AVPR1A: variants seen among roughly 807,000 people sequenced by gnomAD.
The protein encoded by AVPR1A is vasopressin V1a receptor.
A neutral mutation model predicts 31.5 loss-of-function variants in AVPR1A; 31 were observed. That is an observed-to-expected ratio of 0.99 (90% confidence interval 0.74 to 1.33). The LOEUF (loss-of-function observed/expected upper bound fraction) is 1.33, where lower values mean the gene tolerates loss of function less well. AVPR1A is among the 40% of genes most tolerant of loss of function. The pLI, the probability that AVPR1A is intolerant of heterozygous loss-of-function variation, is 0.00. For synonymous variants in AVPR1A, 243 were observed against 233.2 expected (o/e 1.04, Z -0.38); for missense variants, 570 against 575.2 (o/e 0.99, Z 0.09).
chr12:63,150,322 G>C lies in AVPR1A; in HGVS notation c.515C>G (p.Ala172Gly), dbSNP rs1288401863. The C allele has an allele frequency of 8.1e-6, 13 of 1,613,928 alleles. No homozygotes were observed. Among genetic ancestry groups the C allele is most frequent in the Non-Finnish European group, 1.1e-5 (13 of 1,180,036 alleles). Residue 172 changes from alanine (A) to glycine (G), a missense_variant, in exon 1 of 2, where the codon GCG (alanine) becomes GGG (glycine). By Grantham distance (60) the Ala-to-Gly change is moderately conservative. Transcript: ENST00000299178. The surrounding 1 kb of genome is among the most constrained non-coding windows in gnomAD (Gnocchi z 4.9). ...QPARRSRLMIAAAWVLSFVLS... is the reference protein window; with the variant it reads ...QPARRSRLMIGAAWVLSFVLS... ...CACGAAGCTCAGCACCCAGGCGGCC[G>C]CGATCATGAGGCGCGAGCGGCGCGC...
chr12:63,147,670 T>C (rs1314129778), intron 1 of AVPR1A, 25 bp from the exon 2 acceptor site: 3 of 1,601,100 alleles, frequency 1.9e-6, no homozygotes, highest in Admixed American at 3.4e-5. Flanking sequence ...TAAAGGGAAA[T>C]CATGTAATGT....
Position 63,150,625 on chromosome 12 carries a change from C to T in AVPR1A, c.212G>A (p.Ser71Asn), listed in dbSNP as rs1868458717. 1 of 1,609,704 alleles carries T rather than the reference C, an allele frequency of 6.2e-7. No homozygotes were observed. Among genetic ancestry groups the T allele is most frequent in the South Asian group, 1.1e-5 (1 of 91,084 alleles). ...TFAVAVLGNS[S>N]VLLALHRTPR... is the part of the protein sequence containing the mutation. ...CGTCCGGTGCAGAGCCAGCAGTACGCTGCTGTTGCCCAGCACGGCCACCGC... is the reference window on the plus strand; with the variant it reads ...CGTCCGGTGCAGAGCCAGCAGTACGTTGCTGTTGCCCAGCACGGCCACCGC... Residue 71 changes from serine (S) to asparagine (N), a missense_variant, in exon 1 of 2, where the codon AGC becomes AAC. Transcript: ENST00000299178. This position sits in a 1 kb window ranked among gnomAD's most constrained non-coding sequence, Gnocchi z 4.9.
At chr12:63,149,457 A>G (rs1166314643) in intron 1 of AVPR1A, among the ~76,000 whole-genome samples, 1 of 152,152 alleles carries the variant, frequency 6.6e-6, no homozygotes, top group Admixed American at 6.5e-5. Context: ...CCTGAATCCA[A>G]TAGACCTGAA....
rs1303306844 is a variant in AVPR1A at position 63,147,448 on chromosome 12, T to C, written c.1168A>G (p.Asn390Asp). Residue 390 changes from asparagine to aspartate, a missense_variant, in exon 2 of 2, where the codon AAC (asparagine) becomes GAC (aspartate). Coordinates refer to ENST00000299178, the MANE Select transcript of AVPR1A (RefSeq NM_000706.5). ...SMSRRQTFYS[N>D]NRSPTNSTGM... The stretch of plus-strand genomic sequence containing the variant: ...GTACTGTTTGTTGGGCTTCGATTGT[T>C]AGAATAAAAAGTCTGTCTTCTGCTC... 3.1e-6 allele frequency: 5 copies of C among 1,614,164 alleles called. No homozygotes were observed. In the Admixed American group the frequency reaches 5.0e-5, roughly 16 times the overall value.
rs1380913189 is a variant in AVPR1A, at chr12:63,144,194, T to C, written c.*3165A>G. On this transcript the variant is annotated 3_prime_UTR_variant, in exon 2 of 2. Transcript: ENST00000299178. ...ATAGAAATTCTATATGTAAAACAAG[T>C]ATATAATTAACCCAAGAATTTCACT... 1 of 152,192 alleles carries C rather than the reference T, an allele frequency of 6.6e-6. No homozygotes were observed. The highest frequency in any genetic ancestry group is 2.4e-5 in the African/African-American group (1 of 41,440). 9.4% of individuals were successfully genotyped at this position (152,192 alleles called of 1,614,324 possible). A position where few individuals can be genotyped will look rare whatever the true frequency, so the allele number is the denominator to read the frequency against.
At position 63,150,092 on chromosome 12, in the gene AVPR1A, C is replaced by A; in HGVS notation, c.745G>T (p.Gly249Trp). The part of the protein sequence containing the change: ...ICYNIWCNVR[G>W]KTASRQSKGA... ...TTGCTCTGGCGCGACGCCGTCTTCC[C>A]GCGGACGTTGCACCAGATGTTGTAG... Residue 249 changes from glycine to tryptophan, a missense_variant, in exon 1 of 2, where the codon GGG becomes TGG. By Grantham distance (184) the Gly-to-Trp change is radical. Transcript: ENST00000299178. This position sits in a 1 kb window ranked among gnomAD's most constrained non-coding sequence, Gnocchi z 4.9. 3 of 1,614,052 alleles carry A rather than the reference C, an allele frequency of 1.9e-6. No individual in the cohort carries two copies. Among genetic ancestry groups the A allele is most frequent in the Non-Finnish European group, 2.5e-6 (3 of 1,180,026 alleles).
intron 1 of AVPR1A, among the ~76,000 whole-genome samples, chr12:63,148,207 G>T (rs780359847): frequency 6.6e-6 from 1 of 152,144 alleles, no homozygotes; most frequent in East Asian, 1.9e-4. Context: ...AACCATCTGT[G>T]GTTGTGGTTC....
chr12:63,150,470 G>C lies in AVPR1A; in HGVS notation c.367C>G (p.Leu123Val), dbSNP rs767709671. The C allele has an allele frequency of 6.2e-7, 1 of 1,613,412 alleles. No individual in the cohort carries two copies. Among genetic ancestry groups the C allele is most frequent in the Non-Finnish European group, 8.5e-7 (1 of 1,179,842 alleles). Residue 123 changes from leucine to valine, a missense_variant, in exon 1 of 2, where the codon CTG (leucine) becomes GTG (valine). Physicochemically the swap from Leu to Val is conservative, Grantham distance 32 (BLOSUM62 1). Transcript: ENST00000299178. The surrounding 1 kb of genome is among the most constrained non-coding windows in gnomAD (Gnocchi z 4.9). Reference sequence around the variant, plus strand: ...TGCAGGTGCTTCACCACGCGGCACAGCCAGTCGGGGCCGCGGAAGCGGTAG... The same window carrying C: ...TGCAGGTGCTTCACCACGCGGCACACCCAGTCGGGGCCGCGGAAGCGGTAG... Reference protein sequence around the residue: ...ITYRFRGPDWLCRVVKHLQVF... With the variant: ...ITYRFRGPDWVCRVVKHLQVF...
chr12:63,147,241 A>G lies in AVPR1A; in HGVS notation c.*118T>C. The stretch of plus-strand genomic sequence containing the variant: ...TGCAACTAGAAACACAGTCTCATAC[A>G]CAATGAATTGATTTATGGTTATATT... On this transcript the variant is annotated 3_prime_UTR_variant, in exon 2 of 2. Transcript: ENST00000299178. The G allele has an allele frequency of 8.1e-7, 1 of 1,237,724 alleles. No individual in the cohort carries two copies. The highest frequency in any genetic ancestry group is 1.1e-6 in the Non-Finnish European group (1 of 885,066). The allele number at this position is 1,237,724 out of a possible 1,614,324, so 76.7% of individuals were successfully genotyped here.
chr12:63,148,529 T>C (rs1868393721), intron 1 of AVPR1A, among the ~76,000 whole-genome samples: 1 of 152,134 alleles, frequency 6.6e-6, no homozygotes, highest in Admixed American at 6.5e-5. Flanking sequence ...AAGATGGTAT[T>C]CACAAAGAAT....
chr12:63,145,273 GC>G lies in AVPR1A; in HGVS notation c.*2085del. ...AAAGCATTTGGAAACATGTTTTTAGGCCTATCAATACAAGGAGCCTAAGGGC... is the reference window on the plus strand; with the variant it reads ...AAAGCATTTGGAAACATGTTTTTAGGCTATCAATACAAGGAGCCTAAGGGC... On this transcript the variant is annotated 3_prime_UTR_variant, in exon 2 of 2. Transcript: ENST00000299178. 1 of 422,252 alleles carries G rather than the reference GC, an allele frequency of 2.4e-6. No homozygotes were observed. The highest frequency in any genetic ancestry group is 4.6e-6 in the Non-Finnish European group (1 of 217,100). 26.2% of individuals were successfully genotyped at this position (422,252 alleles called of 1,614,324 possible). A position where few individuals can be genotyped will look rare whatever the true frequency, so the allele number is the denominator to read the frequency against.
chr12:63,150,448 A>T lies in AVPR1A; in HGVS notation c.389T>A (p.Leu130Gln). The change falls in exon 1 of 2, where the codon CTG (leucine) becomes CAG (glutamine). Residue 130 changes from leucine (L) to glutamine (Q), a missense_variant. Coordinates refer to ENST00000299178, the MANE Select transcript of AVPR1A (RefSeq NM_000706.5). The surrounding 1 kb of genome is among the most constrained non-coding windows in gnomAD (Gnocchi z 4.9). ...PDWLCRVVKH[L>Q]QVFGMFASAY... ...CGACGCAAACATGCCGAACACCTGC[A>T]GGTGCTTCACCACGCGGCACAGCCA... The T allele has an allele frequency of 1.9e-6, 3 of 1,613,594 alleles. No individual in the cohort carries two copies. The highest frequency in any genetic ancestry group is 2.2e-5 in the East Asian group (1 of 44,842).
In AVPR1A at chr12:63,145,737, G is replaced by GA. The variant is rs1298769391; in HGVS notation, c.*1621dup. On this transcript the variant is annotated 3_prime_UTR_variant, in exon 2 of 2. Coordinates refer to ENST00000299178, the MANE Select transcript of AVPR1A (RefSeq NM_000706.5). ...AGAAGCAGCCAGACAAAATAGCTAG[G>GA]AAAAAAATCACTGAGTTCCATTAAT... is the stretch of plus-strand genomic sequence containing the variant. 6.5e-6 allele frequency: 1 copy of GA among 154,284 alleles called. No homozygotes were observed. The highest frequency in any genetic ancestry group is 1.4e-5 in the Non-Finnish European group (1 of 69,412). The allele number at this position is 154,284 out of a possible 1,614,324, so 9.6% of individuals were successfully genotyped here.
In AVPR1A at chr12:63,147,626, G is replaced by A; in HGVS notation, c.990C>T (p.Ile330=). The A allele has an allele frequency of 6.2e-7, 1 of 1,613,312 alleles. No individual in the cohort carries two copies. The highest frequency in any genetic ancestry group is 8.5e-7 in the Non-Finnish European group (1 of 1,179,278). ...AGGAACCCAGTAATGCAGTGATGGT[G>A]ATGGTAGGGTTTTCCGATTCTGCAT... is the stretch of plus-strand genomic sequence containing the variant. ...SVWTESENPT[I]TITALLGSLN... Residue 330 remains isoleucine (I), a synonymous_variant, in exon 2 of 2, where the codon ATC becomes ATT. Coordinates refer to ENST00000299178, the MANE Select transcript of AVPR1A (RefSeq NM_000706.5).
chr12:63,147,269 T>C lies in AVPR1A; in HGVS notation c.*90A>G. On this transcript the variant is annotated 3_prime_UTR_variant, in exon 2 of 2. Transcript: ENST00000299178. ...ATGAATTGATTTATGGTTATATTAA[T>C]AAAGTGTATTTGTTCTTGTGATTTC... 4 of 1,411,666 alleles carry C rather than the reference T, an allele frequency of 2.8e-6. No individual in the cohort carries two copies. In the South Asian group the frequency reaches 5.3e-5, roughly 19 times the overall value. The allele number at this position is 1,411,666 out of a possible 1,614,324, so 87.4% of individuals were successfully genotyped here. A position where few individuals can be genotyped will look rare whatever the true frequency, so the allele number is the denominator to read the frequency against.
Position 63,147,264 on chromosome 12 carries a change from A to G in AVPR1A, c.*95T>C. On this transcript the variant is annotated 3_prime_UTR_variant, in exon 2 of 2. Coordinates refer to ENST00000299178, the MANE Select transcript of AVPR1A (RefSeq NM_000706.5). ...ACACAATGAATTGATTTATGGTTATATTAATAAAGTGTATTTGTTCTTGTG... is the reference window on the plus strand; with the variant it reads ...ACACAATGAATTGATTTATGGTTATGTTAATAAAGTGTATTTGTTCTTGTG... The G allele has an allele frequency of 1.4e-6, 2 of 1,387,880 alleles. No individual in the cohort carries two copies. The highest frequency in any genetic ancestry group is 2.0e-6 in the Non-Finnish European group (2 of 1,006,134). The allele number at this position is 1,387,880 out of a possible 1,614,324, so 86.0% of individuals were successfully genotyped here. A position where few individuals can be genotyped will look rare whatever the true frequency, so the allele number is the denominator to read the frequency against.
chr12:63,149,940 A>C lies in AVPR1A; in HGVS notation c.897T>G (p.Ala299=). The C allele has an allele frequency of 2.5e-6, 4 of 1,614,066 alleles. No homozygotes were observed. The highest frequency in any genetic ancestry group is 3.4e-6 in the Non-Finnish European group (4 of 1,180,016). Residue 299 remains alanine (A), a synonymous_variant, in exon 1 of 2, where the codon GCT becomes GCG. Coordinates refer to ENST00000299178, the MANE Select transcript of AVPR1A (RefSeq NM_000706.5). The part of the protein sequence containing the change: ...TVKMTFVIVT[A]YIVCWAPFFI... ...AGAAAGGCGCCCAGCAGACGATGTA[A>C]GCCGTCACGATCACAAAAGTCATCT... is the stretch of plus-strand genomic sequence containing the variant.
chr12:63,143,113 A>C lies in AVPR1A; in HGVS notation c.*4246T>G, dbSNP rs1592330478. 1 of 152,202 alleles carries C rather than the reference A, an allele frequency of 6.6e-6. No homozygotes were observed. Among genetic ancestry groups the C allele is most frequent in the East Asian group, 1.9e-4 (1 of 5,190 alleles). The allele number at this position is 152,202 out of a possible 1,614,324, so 9.4% of individuals were successfully genotyped here. ...AAGTCAGAAATCCTGTAGTATGAAG[A>C]CATACCTTCATATGTGAAAATATTA... On this transcript the variant is annotated 3_prime_UTR_variant, in exon 2 of 2. Coordinates refer to ENST00000299178, the MANE Select transcript of AVPR1A (RefSeq NM_000706.5).
rs983898729 is a variant in AVPR1A at position 63,151,049 on chromosome 12, C to A, written c.-213G>T. 2 of 626,538 alleles carry A rather than the reference C, an allele frequency of 3.2e-6. No individual in the cohort carries two copies. Among genetic ancestry groups the A allele is most frequent in the Non-Finnish European group, 5.2e-6 (2 of 387,942 alleles). 38.8% of individuals were successfully genotyped at this position (626,538 alleles called of 1,614,324 possible). A position where few individuals can be genotyped will look rare whatever the true frequency, so the allele number is the denominator to read the frequency against. On this transcript the variant is annotated 5_prime_UTR_variant, in exon 1 of 2. The change creates a new upstream start codon in the 5' untranslated region. Coordinates refer to ENST00000299178, the MANE Select transcript of AVPR1A (RefSeq NM_000706.5). ...AGCTCTCAGCAGGGTGAGCTGGCCC[C>A]TCTCCCTGCTCTGCCTTTTTTCAAC...
Sources: gnomAD v4.1 joint callset for allele counts (sites outside exome capture counted in the v4.1 genomes callset) on GRCh38, gnomAD v4.1.1 for gene constraint, Gnocchi (gnomAD v3.1) non-coding constraint, MANE v1.5 for transcripts, NCBI Gene and HGNC (gene_info 2026-07-23, HGNC 2026-07-21) for gene names.